ZNF280D: variants seen among roughly 807,000 people sequenced by gnomAD.
ZNF280D encodes the protein suppressor of hairy wing homolog 4.
A neutral mutation model predicts 94.7 loss-of-function variants in ZNF280D; 39 were observed. The observed-to-expected ratio is 0.41, with a 90% confidence interval of 0.32 to 0.54. The LOEUF is 0.54. ZNF280D is among the 20% of genes least tolerant of loss of function. The probability of loss-of-function intolerance (pLI) is 0.22; values close to 1 mark genes in which losing one functional copy is unlikely to be tolerated. For synonymous variants in ZNF280D, 398 were observed against 377.6 expected (o/e 1.05, Z -0.63); for missense variants, 1,090 against 1,149.3 (o/e 0.95, Z 0.75).
At chr15:56,695,683 C>A (rs1596537130) in intron 6 of ZNF280D, among the ~76,000 whole-genome samples, 2 of 152,044 alleles carry the variant, frequency 1.3e-5, no homozygotes, top group African/African-American at 2.4e-5. Context: ...GTGCACACCA[C>A]CATGCCCAGC....
chr15:56,653,734 A>G lies in ZNF280D; in HGVS notation c.2213+464T>C, dbSNP rs2053352979. 17 of 1,313,590 alleles carry G rather than the reference A, an allele frequency of 1.3e-5. No individual in the cohort carries two copies. In the South Asian group the frequency reaches 2.5e-4, roughly 20 times the overall value. 81.4% of individuals were successfully genotyped at this position (1,313,590 alleles called of 1,614,324 possible). ...AAAGACAAACAGCCATATAATTTGGAATCTATTATTCTGAAGGCAAGTACA... is the reference window on the plus strand; with the variant it reads ...AAAGACAAACAGCCATATAATTTGGGATCTATTATTCTGAAGGCAAGTACA... On this transcript the variant is annotated intron_variant, in intron 19 of 21. Transcript: ENST00000267807.
intron 13 of ZNF280D, 84 bp downstream of exon 13, chr15:56,676,586 G>T: frequency 7.9e-7 from 1 of 1,266,088 alleles, no homozygotes; most frequent in Non-Finnish European, 1.1e-6. Context: ...TTCTCTTGCA[G>T]AACAAATCTA....
At chr15:56,701,763 T>C (rs1451746708) in intron 4 of ZNF280D, among the ~76,000 whole-genome samples, 1 of 151,960 alleles carries the variant, frequency 6.6e-6, no homozygotes, top group Non-Finnish European at 1.5e-5. Flanking sequence ...TACTATTAGT[T>C]TTGAGTTAAA....
At chr15:56,676,426 C>T (rs2055239236) in intron 13 of ZNF280D, among the ~76,000 whole-genome samples, 1 of 152,034 alleles carries the variant, frequency 6.6e-6, no homozygotes, top group South Asian at 2.1e-4. Flanking sequence ...TTCTGTCAAT[C>T]CTCAGCTTCC....
chr15:56,636,123 G>C (rs1450952133), intron 20 of ZNF280D, among the ~76,000 whole-genome samples: 1 of 152,038 alleles, frequency 6.6e-6, no homozygotes, highest in Non-Finnish European at 1.5e-5. Context: ...TAAAACAAGG[G>C]CAAAGAAATA....
At position 56,631,998 on chromosome 15, in the gene ZNF280D, G is replaced by T; in HGVS notation, c.2440C>A (p.Leu814Ile). The change falls in exon 22 of 22, where the codon CTT (leucine) becomes ATT (isoleucine). Residue 814 changes from leucine (L) to isoleucine (I), a missense_variant. Leu to Ile is a conservative substitution (Grantham distance 5). Around this residue, in one of 3 missense-constraint regions of ZNF280D, gnomAD observed 577 missense variants for 568.8 expected, o/e 1.01. Coordinates refer to ENST00000267807, the MANE Select transcript of ZNF280D (RefSeq NM_017661.4). ...TTTGAGCCAGTTTCCTGGTCTGCAA[G>T]ACAGGTTTCATTTTCCTTATCTGAA... is the stretch of plus-strand genomic sequence containing the variant. ...TVSDKENETC[L>I]ADQETGSKNI... 1 of 1,613,978 alleles carries T rather than the reference G, an allele frequency of 6.2e-7. No individual in the cohort carries two copies. The highest frequency in any genetic ancestry group is 8.5e-7 in the Non-Finnish European group (1 of 1,179,998).
At chr15:56,632,197 T>C in intron 21 of ZNF280D, 75 bp from the exon 22 acceptor site, 10 of 1,307,252 alleles carry the variant, frequency 7.6e-6, no homozygotes, top group Non-Finnish European at 1.0e-5. Flanking sequence ...TAAAGACGTG[T>C]TCTAAAAAAT....
At position 56,631,950 on chromosome 15, in the gene ZNF280D, T is replaced by G; in HGVS notation, c.2488A>C (p.Asn830His). 6.2e-7 allele frequency: 1 copy of G among 1,614,036 alleles called. No homozygotes were observed. Among genetic ancestry groups the G allele is most frequent in the Non-Finnish European group, 8.5e-7 (1 of 1,180,010 alleles). ...GSKNIVSCDS[N>H]IGADKVEKKK... is the part of the protein sequence containing the mutation. ...TTTTCCACTTTATCTGCACCAATAT[T>G]TGAATCACAACTGACGATGTTTTTT... Residue 830 changes from asparagine (N) to histidine (H), a missense_variant, in exon 22 of 22, where the codon AAT becomes CAT. Asn to His is a moderately conservative substitution (Grantham distance 68). Coordinates refer to ENST00000267807, the MANE Select transcript of ZNF280D (RefSeq NM_017661.4).
chr15:56,670,009 A>ATAATATATATATAATATATATATATATT (rs56365440), intron 13 of ZNF280D, among the ~76,000 whole-genome samples: 1 of 2,982 alleles, frequency 3.4e-4, no homozygotes, highest in African/African-American at 1.9e-3. Flanking sequence ...ATATATATAT[A>ATAATATATATATAATATATATATATATT]ATATATATAT....
chr15:56,706,184 G>A (rs1304978495), intron 3 of ZNF280D, among the ~76,000 whole-genome samples: 1 of 141,470 alleles, frequency 7.1e-6, no homozygotes, highest in African/African-American at 2.6e-5. Context: ...GATGTAAGGA[G>A]AAGATGGAGG....
At chr15:56,709,469 G>C (rs145870878) in intron 1 of ZNF280D, among the ~76,000 whole-genome samples, 1 of 152,118 alleles carries the variant, frequency 6.6e-6, no homozygotes, top group Non-Finnish European at 1.5e-5. Flanking sequence ...CAAGGATCTA[G>C]TACTAGAAAT....
intron 4 of ZNF280D, 77 bp downstream of exon 4, chr15:56,704,044 C>T: frequency 6.7e-7 from 1 of 1,500,666 alleles, no homozygotes. Context: ...CATCAACTAC[C>T]TATTAAACAG....
chr15:56,658,447 A>C lies in ZNF280D; in HGVS notation c.2034T>G (p.Phe678Leu). 6.3e-7 allele frequency: 1 copy of C among 1,588,482 alleles called. No individual in the cohort carries two copies. Among genetic ancestry groups the C allele is most frequent in the Admixed American group, 1.9e-5 (1 of 53,744 alleles). Residue 678 changes from phenylalanine to leucine, a missense_variant, in exon 17 of 22, where the codon TTT (phenylalanine) becomes TTG (leucine). Physicochemically the swap from Phe to Leu is conservative, Grantham distance 22. This residue lies in a region of ZNF280D where 577 missense variants were observed against 568.8 expected (regional missense o/e 1.01). Transcript: ENST00000267807. Reference protein sequence around the residue: ...SNRPSKRFCIFKKHSENLRGI... With the variant: ...SNRPSKRFCILKKHSENLRGI... ...ACCGGAGATTTTCTGAATGCTTCTT[A>C]AAAATACAAAACCTTTTGCTTGGAC...
At chr15:56,638,702 CAT>C (rs1217695501) in intron 20 of ZNF280D, among the ~76,000 whole-genome samples, 1 of 152,006 alleles carries the variant, frequency 6.6e-6, no homozygotes. Flanking sequence ...TTTATGTTAA[CAT>C]ATATTTATTA....
At position 56,689,030 on chromosome 15, in the gene ZNF280D, AAG is replaced by A. The variant is rs537404180; in HGVS notation, c.780+9_780+10del. ...AAACTTTTTACAAATTAAATTTTGA[AAG>A]AGTTTTACCTTCATGTGATTTTTCA... is the stretch of plus-strand genomic sequence containing the variant. On this transcript the variant is annotated intron_variant, in intron 9 of 21. Coordinates refer to ENST00000267807, the MANE Select transcript of ZNF280D (RefSeq NM_017661.4). The A allele has an allele frequency of 1.3e-4, 207 of 1,560,930 alleles. 2 individuals are homozygous for A. The South Asian group carries it at 1.7e-3, about 13-fold the overall frequency.
intron 19 of ZNF280D, among the ~76,000 whole-genome samples, chr15:56,643,581 A>C (rs1215126898): frequency 6.6e-6 from 1 of 151,808 alleles, no homozygotes; most frequent in African/African-American, 2.4e-5. Context: ...ATTTCTAAAA[A>C]TATTAATTAT....
chr15:56,657,118 G>A (rs11071282), intron 17 of ZNF280D, among the ~76,000 whole-genome samples: 24,350 of 152,092 alleles, frequency 0.16, 2,020 homozygotes, highest in Admixed American at 0.2. Context: ...CAAAGACACT[G>A]ACATTTCAAG....
chr15:56,728,586 G>A (rs541816252), intron 1 of ZNF280D, among the ~76,000 whole-genome samples: 12 of 152,200 alleles, frequency 7.9e-5, no homozygotes, highest in African/African-American at 2.7e-4. Context: ...CAACCCAGAA[G>A]GAATGACAAG....
chr15:56,731,835 C>A (rs573971764), intron 1 of ZNF280D, among the ~76,000 whole-genome samples: 1 of 151,952 alleles, frequency 6.6e-6, no homozygotes, highest in Non-Finnish European at 1.5e-5. Flanking sequence ...CCAATATTTT[C>A]GAAAAAAATA....
Sources: allele counts gnomAD v4.1 joint callset (sites outside exome capture counted in the v4.1 genomes callset), GRCh38; gene constraint gnomAD v4.1.1; regional missense constraint gnomAD v4.1.1; transcripts MANE v1.5; gene names NCBI Gene and HGNC (gene_info 2026-07-23, HGNC 2026-07-21).